AGBL4: variants seen among roughly 807,000 people sequenced by gnomAD.
AGBL4 encodes cytosolic carboxypeptidase 6.
A neutral mutation model predicts 66.4 loss-of-function variants in AGBL4; 58 were observed. The ratio of observed to expected loss-of-function variants is 0.87; its 90% CI spans 0.71 to 1.09. AGBL4 has a LOEUF of 1.09. AGBL4 is among the 50% of genes least tolerant of loss of function. The pLI is 0.00. For synonymous variants in AGBL4, 234 were observed against 222.9 expected (o/e 1.05, Z -0.44); for missense variants, 579 against 631.0 (o/e 0.92, Z 0.88).
At chr1:49,281,773 C>G (rs188498791) in intron 3 of AGBL4, among the ~76,000 whole-genome samples, 25 of 152,298 alleles carry the variant, frequency 1.6e-4, no homozygotes, top group African/African-American at 6.0e-4. Flanking sequence ...AAATCTTCTG[C>G]GCTGCTGAAC....
In AGBL4 at chr1:48,874,749, G is replaced by T. The variant is rs1470707505; in HGVS notation, c.595-7519C>A. Among the ~76,000 whole-genome samples the T allele has an allele frequency of 3.9e-5, 6 of 152,198 alleles. No individual in the cohort carries two copies. In the South Asian group the frequency reaches 6.2e-4, roughly 16 times the overall value. ...TTCTCATCTGGCTGGAGGAAGGAGT[G>T]GGGAGGGGCCAGTTTCCTCTGTGAG... is the stretch of plus-strand genomic sequence containing the variant. On this transcript the variant is annotated intron_variant, in intron 5 of 13. Coordinates refer to ENST00000371839, the MANE Select transcript of AGBL4 (RefSeq NM_032785.4).
At chr1:49,932,431 T>C (rs796095384) in intron 1 of AGBL4, among the ~76,000 whole-genome samples, 5 of 152,240 alleles carry the variant, frequency 3.3e-5, no homozygotes, top group African/African-American at 1.2e-4. Flanking sequence ...ATAAAAATCT[T>C]TGTAACCTTC....
At chr1:48,693,919 G>A (rs1045064483) in intron 6 of AGBL4, among the ~76,000 whole-genome samples, 1 of 151,982 alleles carries the variant, frequency 6.6e-6, no homozygotes, top group Non-Finnish European at 1.5e-5. Context: ...TCTGGATCTG[G>A]CTTCTGAGTC....
intron 6 of AGBL4, among the ~76,000 whole-genome samples, chr1:48,708,366 C>T (rs561656406): frequency 6.6e-6 from 1 of 152,220 alleles, no homozygotes; most frequent in African/African-American, 2.4e-5. Flanking sequence ...AGGGATTGAC[C>T]ATTGTGAATG....
chr1:49,559,984 C>A (rs1643994741), intron 3 of AGBL4, among the ~76,000 whole-genome samples: 1 of 152,110 alleles, frequency 6.6e-6, no homozygotes, highest in South Asian at 2.1e-4. Context: ...TTTCAAATAT[C>A]TGGAAAGCCT....
At chr1:49,621,923 C>T (rs1467506724) in intron 3 of AGBL4, among the ~76,000 whole-genome samples, 1 of 152,188 alleles carries the variant, frequency 6.6e-6, no homozygotes, top group Non-Finnish European at 1.5e-5. Context: ...CTGTTCTCTT[C>T]AGTCCTTTAT....
intron 4 of AGBL4, among the ~76,000 whole-genome samples, chr1:49,126,919 C>T (rs1307202071): frequency 6.6e-6 from 1 of 152,076 alleles, no homozygotes; most frequent in Non-Finnish European, 1.5e-5. Context: ...CCAGCTCTGA[C>T]TATAGATTCT....
chr1:49,501,268 C>CT (rs1648123984), intron 3 of AGBL4, among the ~76,000 whole-genome samples: 2 of 151,986 alleles, frequency 1.3e-5, no homozygotes, highest in Admixed American at 1.3e-4. Flanking sequence ...TCTCTGAATC[C>CT]TTTTGGTTTT....
At chr1:49,626,947 A>T (rs1185231507) in intron 3 of AGBL4, among the ~76,000 whole-genome samples, 1 of 152,162 alleles carries the variant, frequency 6.6e-6, no homozygotes, top group Non-Finnish European at 1.5e-5. Flanking sequence ...TTTCTAAGAT[A>T]GATTTACTAA....
At chr1:49,498,851 C>A (rs952626304) in intron 3 of AGBL4, among the ~76,000 whole-genome samples, 28 of 151,934 alleles carry the variant, frequency 1.8e-4, no homozygotes, top group African/African-American at 6.0e-4. Context: ...TATTGTTGTA[C>A]ATCACGTTTA....
At chr1:48,795,022 C>T (rs1326607303) in intron 6 of AGBL4, among the ~76,000 whole-genome samples, 1 of 152,160 alleles carries the variant, frequency 6.6e-6, no homozygotes, top group Non-Finnish European at 1.5e-5. Context: ...ATTCTTGACT[C>T]CTACTGTCCT....
intron 3 of AGBL4, among the ~76,000 whole-genome samples, chr1:49,495,346 T>C (rs1289185492): frequency 2.0e-5 from 3 of 152,050 alleles, no homozygotes; most frequent in African/African-American, 7.2e-5. Context: ...TCTTAAAACA[T>C]TATGAGTTTT....
intron 6 of AGBL4, among the ~76,000 whole-genome samples, chr1:48,816,264 A>C (rs1646175865): frequency 6.6e-6 from 1 of 152,164 alleles, no homozygotes; most frequent in Non-Finnish European, 1.5e-5. Flanking sequence ...GTTGAGGACT[A>C]AAGGTAACCT....
In AGBL4 at chr1:49,458,253, C is replaced by T. The variant is rs184516826; in HGVS notation, c.283-212389G>A. ...CAGCAGTGTTTTGTAATTTTCCTTACAGAGGTCTTTCACCTCCTTGTTTAG... is the reference window on the plus strand; with the variant it reads ...CAGCAGTGTTTTGTAATTTTCCTTATAGAGGTCTTTCACCTCCTTGTTTAG... On this transcript the variant is annotated intron_variant, in intron 3 of 13. Transcript: ENST00000371839. Among the ~76,000 whole-genome samples, 242 of 151,658 alleles carry T rather than the reference C, an allele frequency of 1.6e-3. 2 individuals are homozygous for T. Among genetic ancestry groups the T allele is most frequent in the African/African-American group, 5.0e-3 (206 of 41,462 alleles).
chr1:48,863,933 G>A (rs976255826), intron 6 of AGBL4, among the ~76,000 whole-genome samples: 9 of 151,994 alleles, frequency 5.9e-5, no homozygotes, highest in East Asian at 5.8e-4. Context: ...ACAAGAGATC[G>A]ATAAATTCAA....
intron 4 of AGBL4, among the ~76,000 whole-genome samples, chr1:49,179,412 C>T (rs1646888643): frequency 6.6e-6 from 1 of 151,976 alleles, no homozygotes; most frequent in African/African-American, 2.4e-5. Context: ...TTGTTTGTCT[C>T]CCCTACTGGA....
At chr1:48,892,526 A>G (rs550316935) in intron 5 of AGBL4, among the ~76,000 whole-genome samples, 2 of 152,304 alleles carry the variant, frequency 1.3e-5, no homozygotes, top group African/African-American at 4.8e-5. Context: ...CAATCAACAT[A>G]TGTAAAATGA....
chr1:48,947,932 C>A lies in AGBL4; in HGVS notation c.595-80702G>T, dbSNP rs539485962. Among the ~76,000 whole-genome samples the A allele has an allele frequency of 4.0e-5, 6 of 151,656 alleles. 1 individual carries two copies. Among genetic ancestry groups the A allele is most frequent in the African/African-American group, 7.3e-5 (3 of 41,306 alleles). On this transcript the variant is annotated intron_variant, in intron 5 of 13. Coordinates refer to ENST00000371839, the MANE Select transcript of AGBL4 (RefSeq NM_032785.4). ...TTTGAGATGGAGTCTCACTCGTGAC[C>A]CAGGCTGGAGTGCAGTCGCGCAATC...
chr1:48,748,930 A>C (rs1651212831), intron 6 of AGBL4, among the ~76,000 whole-genome samples: 1 of 152,064 alleles, frequency 6.6e-6, no homozygotes. Context: ...TGAATCCTGG[A>C]TTAGGTGAGA....
Sources: allele counts gnomAD v4.1 joint callset (sites outside exome capture counted in the v4.1 genomes callset), GRCh38; gene constraint gnomAD v4.1.1; transcripts MANE v1.5; gene names NCBI Gene and HGNC (gene_info 2026-07-23, HGNC 2026-07-21).